Variants in FOXP2 observed in about 807,000 individuals in gnomAD.
FOXP2 encodes forkhead box P2.
FOXP2 carries 12 observed loss-of-function variants against 115.8 expected under a neutral mutation model. The ratio of observed to expected loss-of-function variants is 0.10; its 90% CI spans 0.07 to 0.17. The LOEUF (loss-of-function observed/expected upper bound fraction) is 0.17. Ranked by LOEUF, FOXP2 falls within the 10% of genes least tolerant of loss-of-function variation. The pLI is 1.00. For synonymous variants in FOXP2, 328 were observed against 297.7 expected (o/e 1.10, Z -1.05); for missense variants, 629 against 843.5 (o/e 0.75, Z 3.15).
chr7:114,508,730 G>T lies in FOXP2; in HGVS notation c.169-25887G>T, dbSNP rs146132146. Among the ~76,000 whole-genome samples, 28 of 152,134 alleles carry T rather than the reference G, an allele frequency of 1.8e-4. No individual in the cohort carries two copies. The East Asian group carries it at 5.4e-3, about 29-fold the overall frequency. ...AAGGTTAGAATAACAGCAGTAAAAAGGATTGATCTGGGCTAAACTTTAAGA... is the reference window on the plus strand; with the variant it reads ...AAGGTTAGAATAACAGCAGTAAAAATGATTGATCTGGGCTAAACTTTAAGA... On this transcript the variant is annotated intron_variant, in intron 2 of 16. Coordinates refer to ENST00000350908, the MANE Select transcript of FOXP2 (RefSeq NM_014491.4).
At chr7:114,411,920 A>G (rs1327455111), upstream of FOXP2, among the ~76,000 whole-genome samples, 1 of 152,150 alleles carries the variant, frequency 6.6e-6, no homozygotes, top group Non-Finnish European at 1.5e-5. Context: ...CATGGCACAT[A>G]GTAGGTATTC....
intron 3 of FOXP2, among the ~76,000 whole-genome samples, chr7:114,614,996 G>A (rs201628047): frequency 1.1e-4 from 17 of 152,120 alleles, no homozygotes; most frequent in African/African-American, 2.7e-4. Context: ...CGAGGCGGGC[G>A]GATCACAAGG....
chr7:114,673,649 A>C (rs1171183342), intron 16 of FOXP2, among the ~76,000 whole-genome samples: 6 of 152,168 alleles, frequency 3.9e-5, no homozygotes, highest in Non-Finnish European at 7.4e-5. Flanking sequence ...GCAGTTTATA[A>C]AATTATGTTT....
chr7:114,224,269 A>T (rs1281906679), intron 1 of FOXP2, among the ~76,000 whole-genome samples: 4 of 152,016 alleles, frequency 2.6e-5, no homozygotes, highest in African/African-American at 7.2e-5. Context: ...GCTTTTTTAT[A>T]TGAATTTTAC....
chr7:114,086,520 G>A (rs777052298), upstream of FOXP2: 4 of 385,740 alleles, frequency 1.0e-5, no homozygotes, highest in Middle Eastern at 7.6e-4. Context: ...GCAGCTGCCC[G>A]GACTCGCGCG....
intron 1 of FOXP2, among the ~76,000 whole-genome samples, chr7:114,187,118 G>A (rs1442205254): frequency 6.6e-6 from 1 of 152,098 alleles, no homozygotes; most frequent in Admixed American, 6.5e-5. Flanking sequence ...CTTATCAAAT[G>A]GTCACTGGGC....
chr7:114,437,578 T>G (rs1584734699), intron 2 of FOXP2, among the ~76,000 whole-genome samples: 1 of 152,188 alleles, frequency 6.6e-6, no homozygotes, highest in East Asian at 1.9e-4. Context: ...TAAGTGAACA[T>G]TAATAGATTA....
Position 114,198,789 on chromosome 7 carries a change from G to A in FOXP2, c.-102+35701G>A, listed in dbSNP as rs74941030. 7.1e-3 allele frequency among the ~76,000 whole-genome samples: 1,081 copies of A among 152,316 alleles called. 15 individuals are homozygous for A. The highest frequency in any genetic ancestry group is 0.025 in the African/African-American group (1,025 of 41,562). ...AGAGAAACACAACCAACAGAGAAGA[G>A]TGGGGAGAAGGAGAGAGGGAGAAGA... On this transcript the variant is annotated intron_variant, in intron 1 of 17. Transcript: ENST00000634411.
intron 10 of FOXP2, among the ~76,000 whole-genome samples, chr7:114,657,612 C>T (rs2129340100): frequency 6.6e-6 from 1 of 152,232 alleles, no homozygotes; most frequent in South Asian, 2.1e-4. Flanking sequence ...TGGAGCCTCT[C>T]AGCTGAGATT....
At chr7:114,326,554 C>T (rs1291024681) in intron 2 of FOXP2, among the ~76,000 whole-genome samples, 2 of 152,236 alleles carry the variant, frequency 1.3e-5, no homozygotes, top group Admixed American at 1.3e-4. Flanking sequence ...TGTTTGAGGG[C>T]ACAGGGACTC....
chr7:114,491,376 G>C (rs187841670), intron 2 of FOXP2, among the ~76,000 whole-genome samples: 2,660 of 151,992 alleles, frequency 0.018, 36 homozygotes, highest in Non-Finnish European at 0.028. Flanking sequence ...TTGTAAATTT[G>C]TTTGAGTTCA....
intron 3 of FOXP2, among the ~76,000 whole-genome samples, chr7:114,582,070 G>C (rs1801899400): frequency 6.6e-6 from 1 of 152,164 alleles, no homozygotes; most frequent in Non-Finnish European, 1.5e-5. Context: ...GAAAGATCTT[G>C]GTGCAGGGGA....
At chr7:114,255,220 T>C (rs1042430939) in intron 1 of FOXP2, among the ~76,000 whole-genome samples, 1 of 152,128 alleles carries the variant, frequency 6.6e-6, no homozygotes, top group African/African-American at 2.4e-5. Flanking sequence ...TGCCTCCCAG[T>C]TAGGCTAGTC....
intron 1 of FOXP2, among the ~76,000 whole-genome samples, chr7:114,217,195 T>C (rs1794506694): frequency 6.6e-6 from 1 of 152,190 alleles, no homozygotes; most frequent in Admixed American, 6.5e-5. Flanking sequence ...CAGTTTATTG[T>C]CATTAAAAAA....
chr7:114,426,384 C>A (rs375935869), intron 1 of FOXP2, 118 bp from the exon 2 acceptor site: 1,590 of 914,748 alleles, frequency 1.7e-3, no homozygotes, highest in Middle Eastern at 3.4e-3. Flanking sequence ...CTATTCAAGG[C>A]TTTTTTCTTC....
chr7:114,274,597 T>G (rs1423575455), intron 1 of FOXP2, among the ~76,000 whole-genome samples: 1 of 127,326 alleles, frequency 7.9e-6, no homozygotes, highest in Non-Finnish European at 1.7e-5. Context: ...TTTTTCCCTC[T>G]CAAAGCTTTT....
At chr7:114,236,089 A>G (rs1249748563) in intron 1 of FOXP2, among the ~76,000 whole-genome samples, 1 of 152,206 alleles carries the variant, frequency 6.6e-6, no homozygotes, top group Admixed American at 6.6e-5. Flanking sequence ...AAACTGCTGA[A>G]TAAATATTTG....
chr7:114,108,907 T>A (rs1349434610), intron 1 of FOXP2, among the ~76,000 whole-genome samples: 1 of 151,972 alleles, frequency 6.6e-6, no homozygotes, highest in East Asian at 1.9e-4. Flanking sequence ...TCTAGCAATA[T>A]TTGTCTGCCC....
At chr7:114,386,370 T>C (rs1389354546) in intron 2 of FOXP2, among the ~76,000 whole-genome samples, 2 of 152,192 alleles carry the variant, frequency 1.3e-5, no homozygotes, top group African/African-American at 4.8e-5. Flanking sequence ...TTTTAAAACA[T>C]TACTTGATCT....
Sources: allele counts gnomAD v4.1 joint callset (sites outside exome capture counted in the v4.1 genomes callset), GRCh38; gene constraint gnomAD v4.1.1; transcripts MANE v1.5; gene names NCBI Gene and HGNC (gene_info 2026-07-23, HGNC 2026-07-21).